Variants in TRAPPC9 observed in about 807,000 individuals in gnomAD.
TRAPPC9 encodes trafficking protein particle complex subunit 9, also known as IKK2 binding protein.
Under a neutral mutation model 124.0 loss-of-function variants are expected in TRAPPC9, and 83 were observed. The ratio of observed to expected loss-of-function variants is 0.67; its 90% CI spans 0.56 to 0.80. The LOEUF is 0.80. TRAPPC9 is among the 30% of genes least tolerant of loss of function. The probability of loss-of-function intolerance (pLI) is 0.00; values close to 1 mark genes in which losing one functional copy is unlikely to be tolerated. For missense variants in TRAPPC9, 1,302 were observed against 1,508.3 expected (o/e 0.86, Z 2.27); for synonymous variants, 638 against 617.5 (o/e 1.03, Z -0.49).
chr8:140,006,256 A>G (rs1455948111), intron 18 of TRAPPC9, among the ~76,000 whole-genome samples: 1 of 152,210 alleles, frequency 6.6e-6, no homozygotes, highest in Non-Finnish European at 1.5e-5. Flanking sequence ...AACTGTTTCT[A>G]ATTTTTTAAT....
intron 21 of TRAPPC9, among the ~76,000 whole-genome samples, chr8:139,766,689 C>T (rs1820605363): frequency 6.6e-6 from 1 of 152,190 alleles, no homozygotes; most frequent in African/African-American, 2.4e-5. Context: ...GTGCTCAACA[C>T]ACAGTTTCTA....
intron 17 of TRAPPC9, among the ~76,000 whole-genome samples, chr8:140,035,152 A>G (rs1475057385): frequency 6.6e-6 from 1 of 152,268 alleles, no homozygotes. Context: ...TGTTAGGATC[A>G]GCAGAATTGT....
intron 10 of TRAPPC9, 96 bp from the exon 11 acceptor site, chr8:140,300,710 A>G (rs2065952077): frequency 6.8e-7 from 1 of 1,479,878 alleles, no homozygotes; most frequent in Non-Finnish European, 9.4e-7. Context: ...AAAACAGTAA[A>G]TCAGTCAGAA....
intron 9 of TRAPPC9, among the ~76,000 whole-genome samples, chr8:140,312,758 CTT>C (rs553049081): frequency 3.9e-4 from 38 of 98,536 alleles, no homozygotes; most frequent in Middle Eastern, 5.1e-3. Flanking sequence ...TCTTCTTCTT[CTT>C]TTTTTTTTTT....
intron 21 of TRAPPC9, among the ~76,000 whole-genome samples, chr8:139,754,471 T>C (rs1038763704): frequency 2.0e-5 from 3 of 152,296 alleles, no homozygotes; most frequent in African/African-American, 4.8e-5. Context: ...CTTCCAAGAC[T>C]GCCTCCATTC....
intron 20 of TRAPPC9, among the ~76,000 whole-genome samples, chr8:139,894,807 T>C (rs1370119053): frequency 6.6e-6 from 1 of 152,186 alleles, no homozygotes; most frequent in Non-Finnish European, 1.5e-5. Context: ...TCATGGCTCA[T>C]GGGCACACGA....
intron 20 of TRAPPC9, among the ~76,000 whole-genome samples, chr8:139,905,294 A>G (rs1278231691): frequency 2.0e-5 from 3 of 152,214 alleles, no homozygotes; most frequent in African/African-American, 7.2e-5. Flanking sequence ...GATGTGGGCA[A>G]GAAAGCCTAG....
At chr8:140,405,393 T>G in intron 6 of TRAPPC9, 184 bp downstream of exon 6, 1 of 618,242 alleles carries the variant, frequency 1.6e-6, no homozygotes, top group Non-Finnish European at 2.7e-6. Context: ...ATACTAAACC[T>G]ACACTGTTTT....
chr8:140,251,755 G>T (rs2064136836), intron 16 of TRAPPC9, among the ~76,000 whole-genome samples: 1 of 152,184 alleles, frequency 6.6e-6, no homozygotes, highest in Admixed American at 6.5e-5. Flanking sequence ...GTAAGAAGGG[G>T]TGGACACCAG....
At chr8:140,199,981 A>C (rs1471268453) in intron 17 of TRAPPC9, among the ~76,000 whole-genome samples, 1 of 152,204 alleles carries the variant, frequency 6.6e-6, no homozygotes, top group Non-Finnish European at 1.5e-5. Context: ...GGAATGCCAC[A>C]GAAACTGTGT....
rs539835217 is a variant in TRAPPC9 at position 139,949,101 on chromosome 8, C to T, written c.2811-38801G>A. ...AAAATAAAAATAAAAAAGACAATAA[C>T]AAACTAATTAAAACAGAAATTTCTG... On this transcript the variant is annotated intron_variant, in intron 19 of 22. Coordinates refer to ENST00000438773, the MANE Select transcript of TRAPPC9 (RefSeq NM_001160372.4). 3.3e-5 allele frequency among the ~76,000 whole-genome samples: 5 copies of T among 151,800 alleles called. No homozygotes were observed. In the East Asian group the frequency reaches 9.7e-4, roughly 29 times the overall value.
Position 139,774,696 on chromosome 8 carries a change from C to T in TRAPPC9, c.3056-42494G>A, listed in dbSNP as rs112809706. 1.3e-3 allele frequency among the ~76,000 whole-genome samples: 196 copies of T among 152,326 alleles called. 1 individual carries two copies. Among genetic ancestry groups the T allele is most frequent in the African/African-American group, 4.4e-3 (184 of 41,582 alleles). On this transcript the variant is annotated intron_variant, in intron 21 of 22. Transcript: ENST00000438773. ...TTTCCCGGAGGAACGAGGGCTTCTCCTGGCAAGGCTGAGCTGAGTCTTATT... is the reference window on the plus strand; with the variant it reads ...TTTCCCGGAGGAACGAGGGCTTCTCTTGGCAAGGCTGAGCTGAGTCTTATT...
chr8:139,936,179 G>A (rs1292143152), intron 19 of TRAPPC9, among the ~76,000 whole-genome samples: 1 of 152,234 alleles, frequency 6.6e-6, no homozygotes, highest in Admixed American at 6.5e-5. Flanking sequence ...GCCTACCAGA[G>A]CCCAGGAGCG....
intron 17 of TRAPPC9, among the ~76,000 whole-genome samples, chr8:140,045,493 G>A (rs961610126): frequency 3.3e-5 from 5 of 151,968 alleles, no homozygotes; most frequent in South Asian, 4.2e-4. Flanking sequence ...TGGGTGTGGC[G>A]GCACGCACCT....
intron 19 of TRAPPC9, among the ~76,000 whole-genome samples, chr8:139,946,341 A>G (rs1383652404): frequency 6.6e-6 from 1 of 152,226 alleles, no homozygotes; most frequent in Non-Finnish European, 1.5e-5. Flanking sequence ...TAAAAATTGC[A>G]TGCACTCAAT....
intron 21 of TRAPPC9, among the ~76,000 whole-genome samples, chr8:139,841,709 T>C (rs1424538471): frequency 2.0e-5 from 3 of 152,146 alleles, no homozygotes; most frequent in African/African-American, 7.2e-5. Flanking sequence ...GTGCTCACAG[T>C]AGGGAGCCGA....
intron 1 of TRAPPC9, among the ~76,000 whole-genome samples, chr8:140,452,729 T>C (rs2071511886): frequency 6.6e-6 from 1 of 152,174 alleles, no homozygotes; most frequent in Non-Finnish European, 1.5e-5. Context: ...TTGAAGGGAT[T>C]AGTGAACAAA....
intron 15 of TRAPPC9, among the ~76,000 whole-genome samples, chr8:140,271,522 G>A (rs2131611992): frequency 6.6e-6 from 1 of 152,164 alleles, no homozygotes; most frequent in South Asian, 2.1e-4. Context: ...CAGGAGAGAT[G>A]GGGAAGGGGA....
Position 139,745,747 on chromosome 8 carries a change from C to T in TRAPPC9, c.3056-13545G>A, listed in dbSNP as rs115753345. On this transcript the variant is annotated intron_variant, in intron 21 of 22. Transcript: ENST00000438773. The stretch of plus-strand genomic sequence containing the variant: ...GGGAAGCCAGGGCCTCTGGATGGAG[C>T]GGGCAGTTGGGGGACCAGGGACTGG... Among the ~76,000 whole-genome samples, 1,114 of 152,326 alleles carry T rather than the reference C, an allele frequency of 7.3e-3. 12 individuals carry two copies. Among genetic ancestry groups the T allele is most frequent in the African/African-American group, 0.025 (1,051 of 41,568 alleles).
Sources: gnomAD v4.1 joint callset for allele counts (sites outside exome capture counted in the v4.1 genomes callset) on GRCh38, gnomAD v4.1.1 for gene constraint, MANE v1.5 for transcripts, NCBI Gene and HGNC (gene_info 2026-07-23, HGNC 2026-07-21) for gene names.